GRIP1: variants seen among roughly 807,000 people sequenced by gnomAD.
The protein encoded by GRIP1 is glutamate receptor-interacting protein 1.
In GRIP1, 45 loss-of-function variants were observed where a neutral mutation model predicts 129.9. The ratio of observed to expected loss-of-function variants is 0.35; its 90% confidence interval spans 0.27 to 0.44. GRIP1 has a LOEUF of 0.44. Among genes scored for constraint, GRIP1 ranks in the 20% least tolerant of loss-of-function variants. GRIP1 has a pLI of 1.00. For synonymous variants in GRIP1, 530 were observed against 520.8 expected, an observed-to-expected ratio of 1.02 and a Z score of -0.24; for missense variants, 1,196 against 1,396.8, an observed-to-expected ratio of 0.86 and a Z score of 2.29.
At chr12:66,662,393 C>T (rs1042852116) in intron 1 of GRIP1, among the ~76,000 whole-genome samples, 4 of 152,150 alleles carry the variant, frequency 2.6e-5, no homozygotes, top group Non-Finnish European at 5.9e-5. Flanking sequence ...TGGTGGAAAT[C>T]ATGCATAACC....
At chr12:66,745,242 A>G (rs2036908961) in intron 1 of GRIP1, among the ~76,000 whole-genome samples, 1 of 152,226 alleles carries the variant, frequency 6.6e-6, no homozygotes, top group Admixed American at 6.5e-5. Flanking sequence ...AAAACCCTGA[A>G]GAAAATACAC....
intron 3 of GRIP1, among the ~76,000 whole-genome samples, chr12:66,539,905 G>C: frequency 6.6e-6 from 1 of 152,282 alleles, no homozygotes; most frequent in East Asian, 1.9e-4. Flanking sequence ...TCTAAACCAA[G>C]AGCAGGTAGC....
Position 66,541,711 on chromosome 12 carries a change from G to A in GRIP1, c.272+104C>T. On this transcript the variant is annotated intron_variant, in intron 3 of 24. Transcript: ENST00000359742. ...GCTGGCCTGTGCTGCCTGGCAGATG[G>A]CAGCTGTCATTTATTTATTAGTGAC... 6.8e-6 allele frequency: 8 copies of A among 1,184,470 alleles called. No homozygotes were observed. In the South Asian group the frequency reaches 9.8e-5, roughly 14 times the overall value. 73.4% of individuals were successfully genotyped at this position (1,184,470 alleles called of 1,614,324 possible). A position where few individuals can be genotyped will look rare whatever the true frequency, so the allele number is the denominator to read the frequency against.
chr12:66,377,321 GC>G, intron 20 of GRIP1, 36 bp from the exon 21 acceptor site: 2 of 1,339,120 alleles, frequency 1.5e-6, no homozygotes, highest in Non-Finnish European at 1.1e-6. Context: ...TTAGGAACTT[GC>G]CAGACATTTT....
At chr12:66,581,769 T>A (rs2063391352) in intron 2 of GRIP1, among the ~76,000 whole-genome samples, 2 of 152,108 alleles carry the variant, frequency 1.3e-5, no homozygotes, top group South Asian at 4.1e-4. Context: ...ATCAATAGCT[T>A]TCCAACGAAA....
intron 7 of GRIP1, among the ~76,000 whole-genome samples, chr12:66,472,878 T>C (rs2059480967): frequency 6.6e-6 from 1 of 152,172 alleles, no homozygotes; most frequent in Admixed American, 6.5e-5. Context: ...GCCCTGGGTT[T>C]CAAGCACAAA....
chr12:66,463,203 AG>A (rs1555188833), intron 8 of GRIP1, 110 bp from the exon 9 acceptor site: 4 of 601,012 alleles, frequency 6.7e-6, no homozygotes, highest in African/African-American at 9.9e-5. Flanking sequence ...TTAAAATAAA[AG>A]AAAAGAAAAG....
At chr12:66,792,576 G>A (rs897725584) in intron 1 of GRIP1, among the ~76,000 whole-genome samples, 1 of 152,062 alleles carries the variant, frequency 6.6e-6, no homozygotes, top group Non-Finnish European at 1.5e-5. Context: ...ATTTTTCATA[G>A]AGGCAGAGTC....
chr12:66,928,403 T>G (rs1424451322), intron 1 of GRIP1, among the ~76,000 whole-genome samples: 3 of 152,236 alleles, frequency 2.0e-5, no homozygotes, highest in Non-Finnish European at 4.4e-5. Context: ...CTAACCTTTG[T>G]GTTTAATATT....
At chr12:66,665,179 G>C (rs2033727402) in intron 1 of GRIP1, among the ~76,000 whole-genome samples, 1 of 152,036 alleles carries the variant, frequency 6.6e-6, no homozygotes. Flanking sequence ...GGCTAATTTT[G>C]TAATTTTGTG....
At chr12:67,019,842 G>A (rs1354441) in intron 1 of GRIP1, among the ~76,000 whole-genome samples, 3,299 of 151,760 alleles carry the variant, frequency 0.022, 105 homozygotes, top group East Asian at 0.093. Context: ...ATACACACAC[G>A]AAAGATTAAT....
chr12:66,859,270 AAAAAAC>A (rs1566054533), intron 1 of GRIP1, among the ~76,000 whole-genome samples: 7 of 13,190 alleles, frequency 5.3e-4, no homozygotes, highest in Admixed American at 2.1e-3. Flanking sequence ...AAAAAAAACA[AAAAAAC>A]AAAAAAACAA....
At chr12:67,008,191 A>G (rs2042655242) in intron 1 of GRIP1, among the ~76,000 whole-genome samples, 1 of 152,204 alleles carries the variant, frequency 6.6e-6, no homozygotes, top group South Asian at 2.1e-4. Context: ...AACAACTTTC[A>G]TATGTGCACA....
chr12:67,064,644 G>A (rs1189082919), intron 1 of GRIP1, among the ~76,000 whole-genome samples: 1 of 152,202 alleles, frequency 6.6e-6, no homozygotes, highest in Non-Finnish European at 1.5e-5. Flanking sequence ...TAAGGAGGTT[G>A]TGGGTGGGGT....
intron 1 of GRIP1, among the ~76,000 whole-genome samples, chr12:67,021,994 T>C (rs2042874162): frequency 6.6e-6 from 1 of 152,218 alleles, no homozygotes; most frequent in Non-Finnish European, 1.5e-5. Flanking sequence ...TTATTCGTTT[T>C]ATGGCTCAAT....
At chr12:66,479,637 G>T (rs2059738681) in intron 7 of GRIP1, among the ~76,000 whole-genome samples, 1 of 152,052 alleles carries the variant, frequency 6.6e-6, no homozygotes, top group African/African-American at 2.4e-5. Flanking sequence ...TTTCAGTCCA[G>T]TATCCCTGAT....
At chr12:66,361,992 T>G (rs2054798130) in intron 23 of GRIP1, among the ~76,000 whole-genome samples, 1 of 152,012 alleles carries the variant, frequency 6.6e-6, no homozygotes, top group Non-Finnish European at 1.5e-5. Context: ...CCCACTGCAC[T>G]CAGGGCTAAC....
chr12:66,591,590 G>A (rs935097491), intron 2 of GRIP1, among the ~76,000 whole-genome samples: 6 of 151,966 alleles, frequency 3.9e-5, no homozygotes, highest in Admixed American at 3.9e-4. Flanking sequence ...AACTGACTTT[G>A]GTTTCTCATC....
At chr12:66,553,915 G>A (rs988247314) in intron 2 of GRIP1, among the ~76,000 whole-genome samples, 4 of 151,974 alleles carry the variant, frequency 2.6e-5, no homozygotes, top group Non-Finnish European at 4.4e-5. Flanking sequence ...TGTGAGCTCC[G>A]ACAAGCCCCA....
Sources: allele counts gnomAD v4.1 joint callset (sites outside exome capture counted in the v4.1 genomes callset), GRCh38; gene constraint gnomAD v4.1.1; transcripts MANE v1.5; gene names NCBI Gene and HGNC (gene_info 2026-07-23, HGNC 2026-07-21).